The following CFAP47 variants were observed in gnomAD, a reference collection of about 807,000 sequenced individuals.
The protein encoded by CFAP47 is cilia and flagella associated protein 47.
A neutral mutation model predicts 148.1 loss-of-function variants in CFAP47; 29 were observed. That is an observed-to-expected ratio of 0.20 (90% CI 0.15 to 0.27). CFAP47 has a LOEUF of 0.27. Among genes scored for constraint, CFAP47 ranks in the 10% least tolerant of loss-of-function variants. The probability of loss-of-function intolerance (pLI) is 1.00; values close to 1 mark genes in which losing one functional copy is unlikely to be tolerated. For synonymous variants in CFAP47, 664 were observed against 577.3 expected (o/e 1.15, Z -2.15); for missense variants, 1,872 against 1,697.5 (o/e 1.10, Z -1.81).
intron 26 of CFAP47, among the ~76,000 whole-genome samples, chrX:36,054,868 G>C (rs1937541474): frequency 9.1e-6 from 1 of 110,279 alleles, no homozygotes; most frequent in South Asian, 3.9e-4. Context: ...CGCCTCCCGG[G>C]TTCACGCCAT....
intron 49 of CFAP47, among the ~76,000 whole-genome samples, chrX:36,252,905 A>C (rs1940709267): frequency 1.8e-5 from 2 of 112,054 alleles, no homozygotes; most frequent in Admixed American, 1.9e-4. Flanking sequence ...AGAAACCACA[A>C]ACTGTGAAAC....
intron 42 of CFAP47, among the ~76,000 whole-genome samples, chrX:36,199,866 T>C (rs1042961221): frequency 5.4e-5 from 6 of 111,524 alleles, no homozygotes; most frequent in Non-Finnish European, 1.1e-4. Flanking sequence ...AAGAGGGCTT[T>C]TGTTAATCAA....
rs1368654760 is a variant in CFAP47 at position 35,951,004 on chromosome X, G to C, written c.657-127G>C. 3 of 479,279 alleles carry C rather than the reference G, an allele frequency of 6.3e-6. No homozygotes were observed. The African/African-American group carries it at 7.3e-5, about 12-fold the overall frequency. 39.5% of individuals were successfully genotyped at this position (479,279 alleles called of 1,213,427 possible). ...TGTACGTGAAAGGAACTACTCTTAG[G>C]CTACTGAATTTTAATGATAATGTGA... is the stretch of plus-strand genomic sequence containing the variant. On this transcript the variant is annotated intron_variant, in intron 4 of 63. Coordinates refer to ENST00000378653, the MANE Select transcript of CFAP47 (RefSeq NM_001304548.2).
rs782328807 is a variant in CFAP47 at position 36,215,672 on chromosome X, T to C, written c.6817+10562T>C. Among the ~76,000 whole-genome samples the C allele has an allele frequency of 3.0e-4, 33 of 111,436 alleles. No homozygotes were observed. The South Asian group carries it at 0.012, about 42-fold the overall frequency. The stretch of plus-strand genomic sequence containing the variant: ...TCAATCAGAATGGTGGCAGAAATAT[T>C]AGGGAAAGTTATAGGGAATAGTCAC... On this transcript the variant is annotated intron_variant, in intron 45 of 63. Coordinates refer to ENST00000378653, the MANE Select transcript of CFAP47 (RefSeq NM_001304548.2).
At chrX:36,068,955 TAA>T (rs113537853) in intron 27 of CFAP47, among the ~76,000 whole-genome samples, 39 of 87,088 alleles carry the variant, frequency 4.5e-4, no homozygotes, top group Non-Finnish European at 5.1e-4. Flanking sequence ...ACTCCTCAAT[TAA>T]AAAAAAAAAA....
chrX:36,280,680 C>A (rs185174744), intron 50 of CFAP47, 50 bp downstream of exon 50: 16 of 428,421 alleles, frequency 3.7e-5, no homozygotes, highest in Non-Finnish European at 6.2e-5. Context: ...AAATCCAAAT[C>A]ATCATTCACT....
At chrX:36,361,759 G>C (rs1941830513) in intron 61 of CFAP47, among the ~76,000 whole-genome samples, 1 of 111,709 alleles carries the variant, frequency 9.0e-6, no homozygotes, top group Non-Finnish European at 1.9e-5. Context: ...ATTAATGAAA[G>C]AGAATATTCT....
intron 39 of CFAP47, among the ~76,000 whole-genome samples, chrX:36,163,679 G>T (rs1939456277): frequency 9.0e-6 from 1 of 110,876 alleles, no homozygotes; most frequent in Admixed American, 9.7e-5. Flanking sequence ...GCGTGATCTC[G>T]GCTCACTGCA....
At chrX:36,005,587 A>G (rs1569230439) in intron 21 of CFAP47, among the ~76,000 whole-genome samples, 1 of 111,801 alleles carries the variant, frequency 8.9e-6, no homozygotes, top group Non-Finnish European at 1.9e-5. Context: ...TTGTTTCATG[A>G]CACTCTATGT....
At chrX:36,359,789 C>T (rs1462608263) in intron 60 of CFAP47, among the ~76,000 whole-genome samples, 1 of 111,219 alleles carries the variant, frequency 9.0e-6, no homozygotes, top group Non-Finnish European at 1.9e-5. Context: ...CTCGCTCTGT[C>T]ACCCAGGCTG....
intron 49 of CFAP47, among the ~76,000 whole-genome samples, chrX:36,254,503 C>A (rs1202094858): frequency 9.0e-6 from 1 of 110,882 alleles, no homozygotes; most frequent in Non-Finnish European, 1.9e-5. Flanking sequence ...ATATAAAAAA[C>A]AGACAGGAGG....
intron 7 of CFAP47, 138 bp from the exon 8 acceptor site, chrX:35,955,823 C>T: frequency 1.1e-6 from 1 of 917,569 alleles, no homozygotes; most frequent in East Asian, 3.4e-5. Flanking sequence ...AGAAGACACT[C>T]AATAATTGTG....
rs782594771 is a variant in CFAP47, at chrX:36,225,533, C to T, written c.6818-3095C>T. ...CACACTTACTCTTGGTCCATACCCT[C>T]CTAATAGTGACCTCTTAGTTACTGC... On this transcript the variant is annotated intron_variant, in intron 45 of 63. Coordinates refer to ENST00000378653, the MANE Select transcript of CFAP47 (RefSeq NM_001304548.2). Among the ~76,000 whole-genome samples, 20 of 111,670 alleles carry T rather than the reference C, an allele frequency of 1.8e-4. 1 individual carries two copies. Among genetic ancestry groups the T allele is most frequent in the African/African-American group, 6.2e-4 (19 of 30,725 alleles).
chrX:36,073,393 T>G, intron 29 of CFAP47, 29 bp downstream of exon 29: 1 of 952,952 alleles, frequency 1.0e-6, no homozygotes, highest in Non-Finnish European at 1.5e-6. Flanking sequence ...TCTAAATTCT[T>G]TGCTTCATAT....
intron 42 of CFAP47, among the ~76,000 whole-genome samples, chrX:36,198,763 TATA>T (rs1302262724): frequency 8.9e-6 from 1 of 111,880 alleles, no homozygotes; most frequent in African/African-American, 3.2e-5. Context: ...AGGAGGAAGG[TATA>T]ATGAGGCATG....
intron 46 of CFAP47, among the ~76,000 whole-genome samples, chrX:36,233,550 G>A (rs1350841001): frequency 1.8e-5 from 2 of 111,199 alleles, no homozygotes; most frequent in African/African-American, 6.6e-5. Context: ...CACACTGATG[G>A]GTCTTGACTC....
chrX:36,296,164 G>C (rs1941240006), intron 51 of CFAP47, among the ~76,000 whole-genome samples: 1 of 111,764 alleles, frequency 8.9e-6, no homozygotes, highest in South Asian at 3.7e-4. Context: ...AGGAGGAGCT[G>C]TGATTTAAGT....
chrX:36,326,304 A>AACACACAC (rs56939762), intron 57 of CFAP47, among the ~76,000 whole-genome samples: 43 of 103,550 alleles, frequency 4.2e-4, no homozygotes, highest in African/African-American at 1.3e-3. Context: ...CCAATTTCCA[A>AACACACAC]ACACACACAC....
At chrX:36,310,608 A>T (rs781928169) in intron 55 of CFAP47, among the ~76,000 whole-genome samples, 2 of 111,018 alleles carry the variant, frequency 1.8e-5, no homozygotes, top group African/African-American at 6.5e-5. Context: ...TGATATTTGA[A>T]TATTGCACTT....
Sources: gnomAD v4.1 joint callset for allele counts (sites outside exome capture counted in the v4.1 genomes callset) on GRCh38, gnomAD v4.1.1 for gene constraint, MANE v1.5 for transcripts, NCBI Gene and HGNC (gene_info 2026-07-23, HGNC 2026-07-21) for gene names.